The following DNAJA3 variants were observed in gnomAD, a reference collection of about 807,000 sequenced individuals.
DNAJA3 encodes DnaJ heat shock protein family (Hsp40) member A3, also known as dnaJ homolog subfamily A member 3, mitochondrial.
In DNAJA3, 29 loss-of-function variants were observed where a neutral mutation model predicts 54.9. The ratio of observed to expected loss-of-function variants is 0.53; its 90% CI spans 0.39 to 0.72. The LOEUF (loss-of-function observed/expected upper bound fraction) is 0.72, where lower values mean the gene tolerates loss of function less well. Among genes scored for constraint, DNAJA3 ranks in the 30% least tolerant of loss-of-function variants. The pLI is 0.00. For synonymous variants in DNAJA3, 302 were observed against 251.4 expected (o/e 1.20, Z -1.90); for missense variants, 708 against 639.4 (o/e 1.11, Z -1.16).
chr16:4,448,260 C>CAGGCA (rs1567332991), intron 8 of DNAJA3, among the ~76,000 whole-genome samples: 25 of 150,338 alleles, frequency 1.7e-4, no homozygotes, highest in African/African-American at 3.4e-4. Flanking sequence ...CACCTGACCT[C>CAGGCA]GTGATCTGCC....
chr16:4,452,069 CA>C (rs1405662834), intron 10 of DNAJA3, among the ~76,000 whole-genome samples: 1 of 151,852 alleles, frequency 6.6e-6, no homozygotes, highest in Non-Finnish European at 1.5e-5. Context: ...GACTCTGTCT[CA>C]AAAAAACAAC....
rs2056784666 is a variant in DNAJA3 at position 4,437,436 on chromosome 16, A to G, written c.380A>G (p.Asp127Gly). The stretch of plus-strand genomic sequence containing the variant: ...AAGTATCACCCTGACACAAATAAGG[A>G]TGATCCCAAAGCCAAGGAGAAGTTC... ...AKKYHPDTNK[D>G]DPKAKEKFSQ... The change falls in exon 3 of 12, where the codon GAT (aspartate) becomes GGT (glycine). Residue 127 changes from aspartate (D) to glycine (G), a missense_variant. Transcript: ENST00000262375. The G allele has an allele frequency of 6.2e-7, 1 of 1,614,070 alleles. No homozygotes were observed. The highest frequency in any genetic ancestry group is 8.5e-7 in the Non-Finnish European group (1 of 1,180,002).
chr16:4,441,890 C>A (rs2056840854), intron 4 of DNAJA3, among the ~76,000 whole-genome samples: 1 of 152,062 alleles, frequency 6.6e-6, no homozygotes, highest in Middle Eastern at 3.2e-3. Flanking sequence ...GAAGGCACTG[C>A]TGATCCTCTC....
chr16:4,451,077 A>T (rs2056972624), intron 10 of DNAJA3, among the ~76,000 whole-genome samples: 1 of 152,056 alleles, frequency 6.6e-6, no homozygotes, highest in Admixed American at 6.6e-5. Flanking sequence ...TGTGTTAGGG[A>T]TCTGTCACCA....
intron 1 of DNAJA3, among the ~76,000 whole-genome samples, chr16:4,429,036 C>T (rs951089982): frequency 6.6e-6 from 1 of 151,270 alleles, no homozygotes; most frequent in African/African-American, 2.4e-5. Context: ...CTACAGGCAC[C>T]TGCAACCGCG....
At chr16:4,448,362 AGACAGAGTCTTGCTCTGTCAGC>A (rs1322830048) in intron 8 of DNAJA3, among the ~76,000 whole-genome samples, 1 of 150,224 alleles carries the variant, frequency 6.7e-6, no homozygotes, top group East Asian at 2.0e-4. Flanking sequence ...CGCTCTGCCG[AGACAGAGTCTTGCTCTGTCAGC>A]CAGAGCTGGA....
rs117342100 is a variant in DNAJA3, at chr16:4,436,425, C to T, written c.346-977C>T. Among the ~76,000 whole-genome samples, 1,484 of 152,182 alleles carry T rather than the reference C, an allele frequency of 9.8e-3. 13 individuals are homozygous for T. The highest frequency in any genetic ancestry group is 0.037 in the Middle Eastern group (11 of 294). On this transcript the variant is annotated intron_variant, in intron 2 of 11. Coordinates refer to ENST00000262375, the MANE Select transcript of DNAJA3 (RefSeq NM_005147.6). ...AGAGAACCATTCAGATTTTTAGGCA[C>T]GGAAGTAAAAAGATCAGGTAAAGCT...
In DNAJA3 at chr16:4,444,709, A is replaced by G. The variant is rs767670444; in HGVS notation, c.977A>G (p.Glu326Gly). Residue 326 changes from glutamate to glycine, a missense_variant, in exon 7 of 12, where the codon GAA becomes GGA. Coordinates refer to ENST00000262375, the MANE Select transcript of DNAJA3 (RefSeq NM_005147.6). ...GTGAGGATGCCTGTGGGAAAAAGGG[A>G]AATTTTCATTACGTTCAGGGTAGGT... ...QTVRMPVGKR[E>G]IFITFRVQKS... 1.1e-5 allele frequency: 17 copies of G among 1,613,982 alleles called. No individual in the cohort carries two copies. Among genetic ancestry groups the G allele is most frequent in the Non-Finnish European group, 1.4e-5 (17 of 1,180,004 alleles).
intron 1 of DNAJA3, among the ~76,000 whole-genome samples, chr16:4,429,088 C>G (rs944905275): frequency 4.6e-5 from 7 of 151,860 alleles, no homozygotes; most frequent in Non-Finnish European, 1.0e-4. Context: ...TGGAGTTTCA[C>G]TGTGTTAGCC....
chr16:4,454,886 C>G lies in DNAJA3; in HGVS notation c.1415C>G (p.Ser472Cys), dbSNP rs562692058. ...GGGGAGGACGAGGAGGGATTCCTTT[C>G]CAAACTTAAGAAAATGTTTACCTCA... ...EAGEDEEGFL[S>C]KLKKMFTS Residue 472 changes from serine (S) to cysteine (C), a missense_variant, in exon 11 of 12, where the codon TCC (serine) becomes TGC (cysteine). By Grantham distance (112) the Ser-to-Cys change is moderately radical (BLOSUM62 -1). Transcript: ENST00000262375. 3 of 1,614,012 alleles carry G rather than the reference C, an allele frequency of 1.9e-6. No individual in the cohort carries two copies. The South Asian group carries it at 3.3e-5, about 18-fold the overall frequency.
At chr16:4,430,933 A>G (rs946919252) in intron 1 of DNAJA3, 1 of 152,078 alleles carries the variant, frequency 6.6e-6, no homozygotes, top group Non-Finnish European at 1.5e-5. Context: ...AGTCCTGGCT[A>G]CTTGAGAGGC....
intron 1 of DNAJA3, chr16:4,430,896 T>C (rs1175925251): frequency 2.0e-5 from 3 of 151,886 alleles, no homozygotes; most frequent in Non-Finnish European, 4.4e-5. Context: ...ATACAAAAAT[T>C]AGCCAGGTGT....
chr16:4,447,711 T>C (rs774662460), intron 8 of DNAJA3: 3 of 152,518 alleles, frequency 2.0e-5, no homozygotes, highest in African/African-American at 4.8e-5. Context: ...GCCCAAACTC[T>C]TGCCCCCTCA....
At chr16:4,426,794 C>G (rs74005321) in intron 1 of DNAJA3, 6,083 of 152,270 alleles carry the variant, frequency 0.04, 173 homozygotes, top group Admixed American at 0.1. Context: ...TATAAAGATA[C>G]TGAGGCTTAG....
intron 6 of DNAJA3, among the ~76,000 whole-genome samples, chr16:4,443,460 C>G (rs1007600407): frequency 2.6e-5 from 4 of 152,100 alleles, no homozygotes; most frequent in African/African-American, 7.2e-5. Flanking sequence ...CAGCTTCCAA[C>G]CCCCGGGCTC....
chr16:4,428,243 G>C (rs777402175), intron 1 of DNAJA3, among the ~76,000 whole-genome samples: 18 of 152,124 alleles, frequency 1.2e-4, no homozygotes, highest in Admixed American at 9.2e-4. Context: ...GAGCCACCGC[G>C]ACCGGCCTTA....
intron 10 of DNAJA3, among the ~76,000 whole-genome samples, chr16:4,450,736 A>G (rs1223562806): frequency 6.6e-6 from 1 of 152,160 alleles, no homozygotes; most frequent in African/African-American, 2.4e-5. Context: ...GCACCAGGGC[A>G]CTTCCTGCAG....
rs1025586339 is a variant in DNAJA3, at chr16:4,425,902, A to C, written c.21A>C (p.Thr7=). The change falls in exon 1 of 12, where the codon ACA becomes ACC. Residue 7 remains threonine (T), a synonymous_variant. Coordinates refer to ENST00000262375, the MANE Select transcript of DNAJA3 (RefSeq NM_005147.6). MAARCS[T]RWLLVVVGTP... is the part of the protein sequence containing the mutation. ...CCAAGATGGCTGCGCGGTGCTCCAC[A>C]CGCTGGTTGCTGGTGGTTGTGGGGA... 6.5e-7 allele frequency: 1 copy of C among 1,543,150 alleles called. No homozygotes were observed. The highest frequency in any genetic ancestry group is 2.5e-5 in the East Asian group (1 of 40,318).
chr16:4,442,468 T>C (rs992813534), intron 5 of DNAJA3, 48 bp downstream of exon 5: 2 of 1,518,788 alleles, frequency 1.3e-6, no homozygotes, highest in Admixed American at 2.1e-5. Flanking sequence ...CACCACTGAC[T>C]GAGAAGAGCT....
Sources: gnomAD v4.1 joint callset for allele counts (sites outside exome capture counted in the v4.1 genomes callset) on GRCh38, gnomAD v4.1.1 for gene constraint, MANE v1.5 for transcripts, NCBI Gene and HGNC (gene_info 2026-07-23, HGNC 2026-07-21) for gene names.